DENND2C: variants seen among roughly 807,000 people sequenced by gnomAD.
DENND2C encodes DENN domain containing 2C, also known as DENN domain-containing protein 2C.
Under a neutral mutation model 112.4 loss-of-function variants are expected in DENND2C, and 72 were observed. The observed-to-expected ratio is 0.64, with a 90% confidence interval of 0.53 to 0.78. The LOEUF (loss-of-function observed/expected upper bound fraction) is 0.78. Ranked by LOEUF, DENND2C falls within the 30% of genes least tolerant of loss-of-function variation. The probability of loss-of-function intolerance (pLI) is 0.00; values close to 1 mark genes in which losing one functional copy is unlikely to be tolerated. For missense variants in DENND2C, 992 were observed against 1,113.8 expected (o/e 0.89, Z 1.56); for synonymous variants, 329 against 381.6 (o/e 0.86, Z 1.61).
chr1:114,594,325 G>C, intron 18 of DENND2C, 148 bp downstream of exon 18: 1 of 632,272 alleles, frequency 1.6e-6, no homozygotes, highest in South Asian at 2.0e-5. Flanking sequence ...GGCATACTGA[G>C]GATAAGCAAG....
chr1:114,655,672 C>T (rs907069417), intron 1 of DENND2C, among the ~76,000 whole-genome samples: 8 of 151,778 alleles, frequency 5.3e-5, no homozygotes, highest in African/African-American at 1.5e-4. Context: ...TCAGGAAAGA[C>T]GGGGTTTTGC....
At chr1:114,599,183 A>G in intron 16 of DENND2C, 91 bp downstream of exon 16, 2 of 910,600 alleles carry the variant, frequency 2.2e-6, no homozygotes, top group Non-Finnish European at 3.1e-6. Context: ...TAAAATAGTA[A>G]TAACTAAATT....
chr1:114,600,938 CT>C lies in DENND2C; in HGVS notation c.1837del (p.Arg613GlufsTer48). The C allele has an allele frequency of 1.2e-6, 2 of 1,613,692 alleles. No individual in the cohort carries two copies. The highest frequency in any genetic ancestry group is 1.3e-5 in the African/African-American group (1 of 75,030). On this transcript the variant is annotated frameshift_variant, in exon 14 of 21. Coordinates refer to ENST00000393274, the MANE Select transcript of DENND2C (RefSeq NM_001256404.2). LOFTEE classifies it high-confidence loss of function. Reference sequence around the variant, plus strand: ...AACAAGGGCTGGAGACATTTCTCTTCTCTTCTCTACTTCATCCAGAATCTAT... The same window carrying C: ...AACAAGGGCTGGAGACATTTCTCTTCCTTCTCTACTTCATCCAGAATCTAT... ...FSKILDEVEKRREMSPALVYP... is the reference protein window; with the variant it reads ...FSKILDEVEKXREMSPALVYP...
intron 2 of DENND2C, among the ~76,000 whole-genome samples, chr1:114,651,208 C>T (rs1023528322): frequency 1.3e-5 from 2 of 151,458 alleles, no homozygotes; most frequent in African/African-American, 4.9e-5. Flanking sequence ...GAGGCCAAGG[C>T]AGGAGGATCA....
At position 114,611,107 on chromosome 1, in the gene DENND2C, A is replaced by G. The variant is rs765155131; in HGVS notation, c.1335T>C (p.Ser445=). ...GATACTCGGCATCACTTTCGTTCCC[A>G]CTGGTTTCACCTGAAAAGAGAGAAG... ...KELPPTKGET[S]GNESDAEYLP... The change falls in exon 9 of 21, where the codon AGT becomes AGC. Residue 445 remains serine (S), a synonymous_variant. Transcript: ENST00000393274. 1 of 1,614,132 alleles carries G rather than the reference A, an allele frequency of 6.2e-7. No individual in the cohort carries two copies.
At position 114,618,393 on chromosome 1, in the gene DENND2C, C is replaced by T. The variant is rs371343524; in HGVS notation, c.1317G>A (p.Pro439=). 22 of 1,573,278 alleles carry T rather than the reference C, an allele frequency of 1.4e-5. No individual in the cohort carries two copies. Among genetic ancestry groups the T allele is most frequent in the East Asian group, 1.1e-4 (5 of 43,652 alleles). ...LHSYTGKELP[P]TKGETSGNES... is the part of the protein sequence containing the mutation. ...ACGAAAAACAATTCTTACCTTTTGTCGGAGGTAATTCCTTTCCAGTGTAAG... is the reference window on the plus strand; with the variant it reads ...ACGAAAAACAATTCTTACCTTTTGTTGGAGGTAATTCCTTTCCAGTGTAAG... Residue 439 remains proline (P), a synonymous_variant, in exon 8 of 21, where the codon CCG becomes CCA. Transcript: ENST00000393274.
chr1:114,651,933 G>C (rs1657177769), intron 2 of DENND2C, among the ~76,000 whole-genome samples: 1 of 151,940 alleles, frequency 6.6e-6, no homozygotes, highest in African/African-American at 2.4e-5. Context: ...CAGTCCCACA[G>C]AGGGGTAGCC....
At chr1:114,642,243 G>A (rs745959553) in intron 3 of DENND2C, among the ~76,000 whole-genome samples, 58 of 152,096 alleles carry the variant, frequency 3.8e-4, no homozygotes, top group Admixed American at 3.9e-4. Context: ...GAGCCACCGC[G>A]CCCAGCTAAT....
At chr1:114,594,436 C>T in intron 18 of DENND2C, 37 bp downstream of exon 18, 2 of 1,526,984 alleles carry the variant, frequency 1.3e-6, no homozygotes, top group Non-Finnish European at 1.8e-6. Flanking sequence ...ACTACCTTAA[C>T]CCTTAACCTT....
At chr1:114,653,559 A>C (rs562213131) in intron 2 of DENND2C, among the ~76,000 whole-genome samples, 2 of 152,272 alleles carry the variant, frequency 1.3e-5, no homozygotes, top group East Asian at 1.9e-4. Flanking sequence ...AATTGTCAAC[A>C]ATGGTACCAG....
At chr1:114,651,538 A>G (rs2101689932) in intron 2 of DENND2C, among the ~76,000 whole-genome samples, 1 of 152,314 alleles carries the variant, frequency 6.6e-6, no homozygotes, top group South Asian at 2.1e-4. Flanking sequence ...CAGGAGTTCG[A>G]GACCAGCCTG....
chr1:114,597,466 GA>G (rs573213281), intron 16 of DENND2C, among the ~76,000 whole-genome samples: 2 of 148,698 alleles, frequency 1.3e-5, no homozygotes, highest in African/African-American at 2.5e-5. Flanking sequence ...AGAAGAAAAG[GA>G]AAAAAAGGCA....
In DENND2C at chr1:114,625,330, A is replaced by C; in HGVS notation, c.655T>G (p.Tyr219Asp). ...PLPKPRRTFRYLSESGVTPYK... is the reference protein window; with the variant it reads ...PLPKPRRTFRDLSESGVTPYK... The stretch of plus-strand genomic sequence containing the variant: ...GGCGTAACACCAGATTCGGATAAAT[A>C]TCTGAATGTCCTACGAGGTTTTGGC... Residue 219 changes from tyrosine (Y) to aspartate (D), a missense_variant, in exon 4 of 21, where the codon TAT becomes GAT. Physicochemically the swap from Tyr to Asp is radical, Grantham distance 160. Transcript: ENST00000393274. 1 of 1,614,192 alleles carries C rather than the reference A, an allele frequency of 6.2e-7. No homozygotes were observed. The highest frequency in any genetic ancestry group is 8.5e-7 in the Non-Finnish European group (1 of 1,180,018).
intron 8 of DENND2C, among the ~76,000 whole-genome samples, chr1:114,615,925 A>C (rs1655953874): frequency 6.6e-6 from 1 of 152,022 alleles, no homozygotes; most frequent in African/African-American, 2.4e-5. Flanking sequence ...AATACAAAAA[A>C]TTAGCCGGGT....
rs570708440 is a variant in DENND2C at position 114,605,000 on chromosome 1, A to T, written c.1589T>A (p.Met530Lys). 6.2e-7 allele frequency: 1 copy of T among 1,613,736 alleles called. No homozygotes were observed. Among genetic ancestry groups the T allele is most frequent in the Non-Finnish European group, 8.5e-7 (1 of 1,179,922 alleles). The change falls in exon 11 of 21, where the codon ATG (methionine) becomes AAG (lysine). Residue 530 changes from methionine to lysine, a missense_variant. Physicochemically the swap from Met to Lys is moderately conservative, Grantham distance 95 (BLOSUM62 -1). Around this residue, in one of 3 missense-constraint regions of DENND2C, gnomAD observed 516 missense variants for 623.6 expected, o/e 0.83. Transcript: ENST00000393274. ...DDHGYKQSKD[M>K]EERLKVIPKF... ...TGGAATAACTTTAAGTCTCTCTTCC[A>T]TGTCTTTGGACTGCTTATAGCCATG... is the stretch of plus-strand genomic sequence containing the variant.
rs940318953 is a variant in DENND2C at position 114,654,744 on chromosome 1, T to A, written c.-556A>T. 11 of 149,610 alleles carry A rather than the reference T, an allele frequency of 7.4e-5. No individual in the cohort carries two copies. The highest frequency in any genetic ancestry group is 2.7e-4 in the Admixed American group (4 of 14,950). 9.3% of individuals were successfully genotyped at this position (149,610 alleles called of 1,614,324 possible). On this transcript the variant is annotated 5_prime_UTR_variant, in exon 2 of 21. Coordinates refer to ENST00000393274, the MANE Select transcript of DENND2C (RefSeq NM_001256404.2). Reference sequence around the variant, plus strand: ...TAGCAAGTGGTTTAAGCAATACCGATGTTTGTTTCTCTGCCACCTAAAAAA... The same window carrying A: ...TAGCAAGTGGTTTAAGCAATACCGAAGTTTGTTTCTCTGCCACCTAAAAAA...
intron 3 of DENND2C, among the ~76,000 whole-genome samples, chr1:114,640,939 AGTCT>A (rs1175206927): frequency 1.3e-5 from 2 of 152,224 alleles, no homozygotes; most frequent in Non-Finnish European, 2.9e-5. Flanking sequence ...CCTGTGTACT[AGTCT>A]CAATTTGTCT....
In DENND2C at chr1:114,584,347, C is replaced by CGT; in HGVS notation, c.*1252_*1253insAC. 6.6e-6 allele frequency: 1 copy of CGT among 152,368 alleles called. No individual in the cohort carries two copies. Among genetic ancestry groups the CGT allele is most frequent in the Middle Eastern group, 3.4e-3 (1 of 294 alleles). 9.4% of individuals were successfully genotyped at this position (152,368 alleles called of 1,614,324 possible). A position where few individuals can be genotyped will look rare whatever the true frequency, so the allele number is the denominator to read the frequency against. On this transcript the variant is annotated 3_prime_UTR_variant, in exon 21 of 21. Coordinates refer to ENST00000393274, the MANE Select transcript of DENND2C (RefSeq NM_001256404.2). ...AATGCAGTGGCGCGATCTCGGCTCA[C>CGT]TGCAACCTCTGCCTCCTGGGCTCAA...
intron 3 of DENND2C, among the ~76,000 whole-genome samples, chr1:114,635,033 A>G (rs1437526196): frequency 1.3e-5 from 2 of 151,314 alleles, no homozygotes; most frequent in African/African-American, 2.4e-5. Context: ...GTCTAAAAAA[A>G]AAAAAAAAAA....
Sources: gnomAD v4.1 joint callset for allele counts (sites outside exome capture counted in the v4.1 genomes callset) on GRCh38, gnomAD v4.1.1 for gene constraint, gnomAD v4.1.1 regional missense constraint, MANE v1.5 for transcripts, NCBI Gene and HGNC (gene_info 2026-07-23, HGNC 2026-07-21) for gene names.